Variants in ARAP2 observed in about 807,000 individuals in gnomAD.
ARAP2 encodes the protein arf-GAP with Rho-GAP domain, ANK repeat and PH domain-containing protein 2.
A neutral mutation model predicts 194.5 loss-of-function variants in ARAP2; 148 were observed. The ratio of observed to expected loss-of-function variants is 0.76; its 90% CI spans 0.67 to 0.87. ARAP2 has a LOEUF of 0.87. Among genes scored for constraint, ARAP2 ranks in the 40% least tolerant of loss-of-function variants. The probability of loss-of-function intolerance (pLI) is 0.00; values close to 1 mark genes in which losing one functional copy is unlikely to be tolerated. For synonymous variants in ARAP2, 695 were observed against 683.5 expected, an observed-to-expected ratio of 1.02 and a Z score of -0.26; for missense variants, 2,128 against 1,989.7, an observed-to-expected ratio of 1.07 and a Z score of -1.32.
chr4:36,141,258 T>C (rs1343185388), intron 19 of ARAP2, among the ~76,000 whole-genome samples: 1 of 151,530 alleles, frequency 6.6e-6, no homozygotes, highest in African/African-American at 2.4e-5. Flanking sequence ...GCACAAACAG[T>C]ACTAAGGTCT....
At chr4:36,194,966 T>C (rs1742753470) in intron 6 of ARAP2, among the ~76,000 whole-genome samples, 1 of 151,746 alleles carries the variant, frequency 6.6e-6, no homozygotes, top group Non-Finnish European at 1.5e-5. Context: ...GGTGGATCAC[T>C]GGGCAACATG....
intron 28 of ARAP2, 23 bp downstream of exon 28, chr4:36,091,858 G>T: frequency 6.4e-7 from 1 of 1,555,450 alleles, no homozygotes. Flanking sequence ...AAATAAAAAT[G>T]TACGCATGTT....
chr4:36,053,295 C>T (rs1208107441), intron 2 of ARAP2, among the ~76,000 whole-genome samples: 1 of 151,800 alleles, frequency 6.6e-6, no homozygotes, highest in Admixed American at 6.6e-5. Context: ...TGAGCCACCG[C>T]GCCCGGCCCA....
intron 4 of ARAP2, among the ~76,000 whole-genome samples, 184 bp from the exon 5 acceptor site, chr4:36,212,671 A>ATT (rs67460919): frequency 3.1e-4 from 47 of 150,888 alleles, no homozygotes; most frequent in East Asian, 5.8e-4. Context: ...CAGACTTTTG[A>ATT]TTTTTTTTTC....
At chr4:36,132,935 A>C (rs1009456927) in intron 20 of ARAP2, among the ~76,000 whole-genome samples, 10 of 151,736 alleles carry the variant, frequency 6.6e-5, no homozygotes, top group African/African-American at 2.2e-4. Flanking sequence ...TACTTGAATA[A>C]AACATATAAT....
At chr4:36,107,273 T>C (rs1183973336) in intron 27 of ARAP2, among the ~76,000 whole-genome samples, 1 of 151,928 alleles carries the variant, frequency 6.6e-6, no homozygotes, top group Non-Finnish European at 1.5e-5. Flanking sequence ...AGTCTAAAAA[T>C]TGAGGAAAAT....
At chr4:36,230,245 T>G (rs1427271660) in intron 1 of ARAP2, among the ~76,000 whole-genome samples, 1 of 152,228 alleles carries the variant, frequency 6.6e-6, no homozygotes, top group African/African-American at 2.4e-5. Context: ...TGTTAAACAA[T>G]ATTCCCACAA....
In ARAP2 at chr4:36,158,816, G is replaced by C; in HGVS notation, c.2666C>G (p.Ser889Cys). 6.2e-7 allele frequency: 1 copy of C among 1,611,692 alleles called. No homozygotes were observed. ...IHSEGVLSQE[S>C]SQSTFLCDFL... ...GTCACAGAGGAATGTGGACTGGGAA[G>C]ACTCTTGACTTAATACACCCTCGGA... is the stretch of plus-strand genomic sequence containing the variant. Residue 889 changes from serine to cysteine, a missense_variant, in exon 15 of 33, where the codon TCT becomes TGT. Physicochemically the swap from Ser to Cys is moderately radical, Grantham distance 112 (BLOSUM62 -1). Coordinates refer to ENST00000303965, the MANE Select transcript of ARAP2 (RefSeq NM_015230.4).
intron 19 of ARAP2, among the ~76,000 whole-genome samples, chr4:36,133,665 T>C (rs2109617078): frequency 6.6e-6 from 1 of 151,890 alleles, no homozygotes; most frequent in East Asian, 1.9e-4. Context: ...ATTGTGGCTA[T>C]CACCTGTGAC....
intron 32 of ARAP2, 104 bp from the exon 33 acceptor site, chr4:36,068,382 A>T: frequency 1.6e-6 from 2 of 1,255,818 alleles, no homozygotes; most frequent in Non-Finnish European, 2.1e-6. Flanking sequence ...AAAAGATCTC[A>T]TTTCTATGAC....
rs144348286 is a variant in ARAP2, at chr4:36,116,684, T to C, written c.4038+377A>G. 4.5e-4 allele frequency among the ~76,000 whole-genome samples: 68 copies of C among 151,936 alleles called. 1 individual carries two copies. Among genetic ancestry groups the C allele is most frequent in the African/African-American group, 1.2e-3 (51 of 41,532 alleles). ...TAAGGGTTTTACATGCATTATCTTA[T>C]TGAATCCTCACATCAATGCTATGAT... On this transcript the variant is annotated intron_variant, in intron 25 of 32. Coordinates refer to ENST00000303965, the MANE Select transcript of ARAP2 (RefSeq NM_015230.4).
chr4:36,064,660 G>A (rs1416239505), downstream of ARAP2, among the ~76,000 whole-genome samples: 1 of 152,198 alleles, frequency 6.6e-6, no homozygotes, highest in East Asian at 1.9e-4. Context: ...CCTGTGGGGA[G>A]GGACAGGTCA....
chr4:36,034,262 T>G (rs1719524608), intron 5 of ARAP2, among the ~76,000 whole-genome samples: 1 of 152,192 alleles, frequency 6.6e-6, no homozygotes, highest in Non-Finnish European at 1.5e-5. Context: ...ATATTGATTC[T>G]TCCTATAACT....
intron 2 of ARAP2, among the ~76,000 whole-genome samples, chr4:36,224,773 T>C (rs911409251): frequency 6.6e-6 from 1 of 152,126 alleles, no homozygotes; most frequent in Non-Finnish European, 1.5e-5. Context: ...CCTTTTTTCA[T>C]AGAATTTAAA....
chr4:36,099,290 A>C (rs1453735958), intron 27 of ARAP2, among the ~76,000 whole-genome samples: 1 of 151,978 alleles, frequency 6.6e-6, no homozygotes, highest in Non-Finnish European at 1.5e-5. Context: ...CATTTTCTTT[A>C]TCCAGTCTAT....
intron 27 of ARAP2, among the ~76,000 whole-genome samples, chr4:36,098,866 C>A (rs905060724): frequency 6.6e-6 from 1 of 151,882 alleles, no homozygotes; most frequent in African/African-American, 2.4e-5. Flanking sequence ...ATCATATTTG[C>A]TTCATAATTT....
Position 36,124,891 on chromosome 4 carries a change from T to C in ARAP2, c.3717A>G (p.Thr1239=). 1.2e-6 allele frequency: 2 copies of C among 1,611,092 alleles called. No homozygotes were observed. Among genetic ancestry groups the C allele is most frequent in the South Asian group, 1.1e-5 (1 of 90,832 alleles). ...ACAGGTGTTCAATGATAGCTGCTAG[T>C]GTTGCTCGGTTGACCCCTGGAAGAG... The part of the protein sequence containing the change: ...IRSLPGVNRA[T]LAAIIEHLYR... The change falls in exon 22 of 33, where the codon ACA becomes ACG. Residue 1239 remains threonine, a synonymous_variant. Coordinates refer to ENST00000303965, the MANE Select transcript of ARAP2 (RefSeq NM_015230.4).
chr4:36,071,858 AC>A (rs1298138445), intron 32 of ARAP2, among the ~76,000 whole-genome samples: 2 of 128,002 alleles, frequency 1.6e-5, no homozygotes, highest in African/African-American at 3.0e-5. Context: ...CGCTCCCCCC[AC>A]CCCAACACAG....
At chr4:36,221,121 C>T (rs1749079785) in intron 2 of ARAP2, among the ~76,000 whole-genome samples, 1 of 151,966 alleles carries the variant, frequency 6.6e-6, no homozygotes, top group African/African-American at 2.4e-5. Context: ...CTTACAATTT[C>T]CTACAGTTCA....
Sources: allele counts gnomAD v4.1 joint callset (sites outside exome capture counted in the v4.1 genomes callset), GRCh38; gene constraint gnomAD v4.1.1; transcripts MANE v1.5; gene names NCBI Gene and HGNC (gene_info 2026-07-23, HGNC 2026-07-21).